Variants in CAMTA1 observed in about 807,000 individuals in gnomAD.
The protein encoded by CAMTA1 is calmodulin-binding transcription activator 1.
Under a neutral mutation model 170.9 loss-of-function variants are expected in CAMTA1, and 27 were observed. The ratio of observed to expected loss-of-function variants is 0.16; its 90% CI spans 0.12 to 0.22. The LOEUF is 0.22. CAMTA1 is among the 10% of genes least tolerant of loss of function. The pLI is 1.00. For missense variants in CAMTA1, 1,619 were observed against 2,217.2 expected (o/e 0.73, Z 5.42); for synonymous variants, 833 against 891.5 (o/e 0.93, Z 1.17).
rs184563883 is a variant in CAMTA1 at position 6,831,107 on chromosome 1, C to T, written c.234+5897C>T. Among the ~76,000 whole-genome samples, 310 of 152,210 alleles carry T rather than the reference C, an allele frequency of 2.0e-3. 1 individual carries two copies. The highest frequency in any genetic ancestry group is 6.6e-3 in the African/African-American group (276 of 41,522). Reference sequence around the variant, plus strand: ...TGCTGGGATTACGGACGTGAGCCATCGCGCCCGGCCCGATAGTTTTGATTC... The same window carrying T: ...TGCTGGGATTACGGACGTGAGCCATTGCGCCCGGCCCGATAGTTTTGATTC... On this transcript the variant is annotated intron_variant, in intron 3 of 22. Transcript: ENST00000303635.
intron 12 of CAMTA1, among the ~76,000 whole-genome samples, chr1:7,734,369 A>G (rs1384412788): frequency 6.6e-6 from 1 of 152,198 alleles, no homozygotes; most frequent in Non-Finnish European, 1.5e-5. Context: ...AATGGTATGT[A>G]ATGTCATTTT....
chr1:7,498,426 TG>T (rs2093879313), intron 6 of CAMTA1, among the ~76,000 whole-genome samples: 2 of 150,394 alleles, frequency 1.3e-5, no homozygotes, highest in Admixed American at 6.6e-5. Context: ...AGTGTGTGGA[TG>T]TGCGTGTGTA....
intron 3 of CAMTA1, among the ~76,000 whole-genome samples, chr1:7,031,112 G>T (rs781496487): frequency 1.3e-5 from 2 of 150,778 alleles, no homozygotes; most frequent in African/African-American, 4.9e-5. Context: ...CTCCCAAAGT[G>T]CTGGGATTCC....
chr1:7,752,350 CT>C, intron 20 of CAMTA1, 108 bp from the exon 21 acceptor site: 1 of 898,016 alleles, frequency 1.1e-6, no homozygotes. Flanking sequence ...ATGCTGTTGG[CT>C]TTGCTACACG....
chr1:7,405,457 A>G (rs1430893954), intron 5 of CAMTA1, among the ~76,000 whole-genome samples: 5 of 152,142 alleles, frequency 3.3e-5, no homozygotes, highest in Admixed American at 6.5e-5. Flanking sequence ...TTCAGCCTTA[A>G]CTTCTCAGGC....
intron 5 of CAMTA1, among the ~76,000 whole-genome samples, chr1:7,440,656 C>T (rs894626577): frequency 7.9e-5 from 12 of 152,134 alleles, no homozygotes; most frequent in Admixed American, 6.5e-5. Context: ...GTGTGGTCCC[C>T]GGATCCCAGC....
chr1:7,754,840 A>G (rs1004543559), intron 21 of CAMTA1, among the ~76,000 whole-genome samples: 2 of 152,184 alleles, frequency 1.3e-5, no homozygotes, highest in African/African-American at 2.4e-5. Flanking sequence ...TTCACTTCCC[A>G]TTTCTATATA....
At chr1:7,097,210 G>T (rs1354894339) in intron 4 of CAMTA1, among the ~76,000 whole-genome samples, 1 of 152,226 alleles carries the variant, frequency 6.6e-6, no homozygotes, top group Admixed American at 6.5e-5. Flanking sequence ...CTTCCCCAGT[G>T]GGGTGGCGGG....
chr1:7,529,441 C>T (rs2094466973), intron 6 of CAMTA1, among the ~76,000 whole-genome samples: 1 of 152,166 alleles, frequency 6.6e-6, no homozygotes, highest in Admixed American at 6.5e-5. Context: ...ACAGTACCCG[C>T]TCGCTGAGCC....
At chr1:7,302,644 G>A (rs572014708) in intron 5 of CAMTA1, among the ~76,000 whole-genome samples, 1 of 152,290 alleles carries the variant, frequency 6.6e-6, no homozygotes, top group Non-Finnish European at 1.5e-5. Context: ...GGGAGGAGTT[G>A]GGGGGCTTCA....
intron 4 of CAMTA1, among the ~76,000 whole-genome samples, chr1:7,104,084 CACAACACACATACACA>C (rs1643263973): frequency 6.7e-6 from 1 of 149,924 alleles, no homozygotes; most frequent in Non-Finnish European, 1.5e-5. Flanking sequence ...CAGATGTACA[CACAACACACATACACA>C]ACTACACACA....
At chr1:7,172,555 G>T (rs1649871217) in intron 4 of CAMTA1, among the ~76,000 whole-genome samples, 1 of 152,172 alleles carries the variant, frequency 6.6e-6, no homozygotes, top group South Asian at 2.1e-4. Context: ...CACCAAAGGG[G>T]GCAGGGCATG....
At chr1:6,798,426 C>T (rs1042877618) in intron 1 of CAMTA1, among the ~76,000 whole-genome samples, 2 of 152,014 alleles carry the variant, frequency 1.3e-5, no homozygotes, top group African/African-American at 2.4e-5. Context: ...GCGGTAGCAT[C>T]AGAATTATTT....
Position 7,126,361 on chromosome 1 carries a change from C to T in CAMTA1, c.302+34990C>T, listed in dbSNP as rs576023998. ...CCTTCTACCCCCTCCCTAATTCAATCTGCTGCAAGCCTCTTTCCAGGCAGC... is the reference window on the plus strand; with the variant it reads ...CCTTCTACCCCCTCCCTAATTCAATTTGCTGCAAGCCTCTTTCCAGGCAGC... On this transcript the variant is annotated intron_variant, in intron 4 of 22. Coordinates refer to ENST00000303635, the MANE Select transcript of CAMTA1 (RefSeq NM_015215.4). 4.3e-4 allele frequency among the ~76,000 whole-genome samples: 66 copies of T among 152,306 alleles called. 1 individual carries two copies. In the South Asian group the frequency reaches 0.013, roughly 30 times the overall value.
chr1:7,326,835 G>A (rs1023993353), intron 5 of CAMTA1, among the ~76,000 whole-genome samples: 1 of 152,142 alleles, frequency 6.6e-6, no homozygotes, highest in Non-Finnish European at 1.5e-5. Flanking sequence ...GAGGGAGTGA[G>A]TAGGAAAGAA....
rs2095247513 is a variant in CAMTA1 at position 7,580,213 on chromosome 1, A to G, written c.511-60187A>G. 6.6e-6 allele frequency among the ~76,000 whole-genome samples: 1 copy of G among 152,216 alleles called. No homozygotes were observed. Among genetic ancestry groups the G allele is most frequent in the South Asian group, 2.1e-4 (1 of 4,832 alleles). ...TGGCCAAGGTCTTTGTGTTCAGACC[A>G]GAAGAGGAAGGAGGGCTCCCTCCCC... On this transcript the variant is annotated intron_variant, in intron 6 of 22. Transcript: ENST00000303635. This position sits in a 1 kb window ranked among gnomAD's most constrained non-coding sequence, Gnocchi z 4.3.
chr1:7,364,836 A>G (rs2085841651), intron 5 of CAMTA1, among the ~76,000 whole-genome samples: 1 of 152,232 alleles, frequency 6.6e-6, no homozygotes, highest in Non-Finnish European at 1.5e-5. Context: ...TCCATGGCAC[A>G]AAGCAAGGGC....
At chr1:6,868,222 A>G (rs921006765) in intron 3 of CAMTA1, among the ~76,000 whole-genome samples, 2 of 152,162 alleles carry the variant, frequency 1.3e-5, no homozygotes, top group East Asian at 1.9e-4. Flanking sequence ...TAGAATGTGT[A>G]AAGTTTTACC....
At chr1:6,917,678 C>T (rs1292292265) in intron 3 of CAMTA1, among the ~76,000 whole-genome samples, 3 of 151,164 alleles carry the variant, frequency 2.0e-5, no homozygotes, top group South Asian at 2.1e-4. Flanking sequence ...CAGCCAGGTG[C>T]GGCTTTGCAG....
Sources: gnomAD v4.1 joint callset for allele counts (sites outside exome capture counted in the v4.1 genomes callset) on GRCh38, gnomAD v4.1.1 for gene constraint, Gnocchi (gnomAD v3.1) non-coding constraint, MANE v1.5 for transcripts, NCBI Gene and HGNC (gene_info 2026-07-23, HGNC 2026-07-21) for gene names.